The following ME1 variants were observed in gnomAD, a reference collection of about 807,000 sequenced individuals.
ME1 encodes the protein NADP-dependent malic enzyme.
ME1 carries 74 observed loss-of-function variants against 66.4 expected under a neutral mutation model. That is an observed-to-expected ratio of 1.11 (90% confidence interval 0.92 to 1.35). ME1 has a LOEUF of 1.35. Ranked by LOEUF, ME1 falls within the 40% of genes most tolerant of loss-of-function variation. The probability of loss-of-function intolerance (pLI) is 0.00; values close to 1 mark genes in which losing one functional copy is unlikely to be tolerated. For synonymous variants in ME1, 251 were observed against 235.6 expected (o/e 1.07, Z -0.60); for missense variants, 750 against 694.1 (o/e 1.08, Z -0.90).
At chr6:83,419,690 AC>A (rs1770230262) in intron 1 of ME1, among the ~76,000 whole-genome samples, 1 of 152,190 alleles carries the variant, frequency 6.6e-6, no homozygotes. Context: ...AATATTAAGA[AC>A]CATTCACCTC....
At chr6:83,263,018 C>T (rs1170668052) in intron 6 of ME1, among the ~76,000 whole-genome samples, 2 of 152,098 alleles carry the variant, frequency 1.3e-5, no homozygotes, top group African/African-American at 2.4e-5. Flanking sequence ...TCTATTGGGA[C>T]CATTTTTTCC....
At chr6:83,253,607 T>C (rs768873956) in intron 7 of ME1, 22 bp downstream of exon 7, 5 of 1,156,500 alleles carry the variant, frequency 4.3e-6, no homozygotes, top group Admixed American at 1.7e-5. Flanking sequence ...TATTGATCCA[T>C]ATGCAGTGAA....
intron 1 of ME1, among the ~76,000 whole-genome samples, chr6:83,429,750 A>T (rs577324381): frequency 3.7e-4 from 57 of 152,336 alleles, no homozygotes; most frequent in Non-Finnish European, 7.4e-4. Flanking sequence ...TCATGTCTTT[A>T]AGTCATTAAT....
chr6:83,315,313 G>C lies in ME1; in HGVS notation c.701C>G (p.Ser234Cys), dbSNP rs765315084. 1 of 1,585,448 alleles carries C rather than the reference G, an allele frequency of 6.3e-7. No individual in the cohort carries two copies. Among genetic ancestry groups the C allele is most frequent in the Non-Finnish European group, 8.6e-7 (1 of 1,156,644 alleles). The change falls in exon 6 of 14, where the codon TCC (serine) becomes TGC (cysteine). Residue 234 changes from serine to cysteine, a missense_variant. Coordinates refer to ENST00000369705, the MANE Select transcript of ME1 (RefSeq NM_002395.6). ...FLDEFMEAVSSKYGMNCLIQF... is the reference protein window; with the variant it reads ...FLDEFMEAVSCKYGMNCLIQF... Reference sequence around the variant, plus strand: ...TAGGTTAAATAAAGATACATACTTGGAAGAAACTGCCTCCATGAATTCGTC... The same window carrying C: ...TAGGTTAAATAAAGATACATACTTGCAAGAAACTGCCTCCATGAATTCGTC...
At chr6:83,424,746 G>A (rs950805609) in intron 1 of ME1, among the ~76,000 whole-genome samples, 5 of 152,114 alleles carry the variant, frequency 3.3e-5, no homozygotes, top group Admixed American at 6.6e-5. Context: ...ACAACAAAGC[G>A]TCACACACTG....
At chr6:83,232,387 A>G (rs2128524585) in intron 9 of ME1, among the ~76,000 whole-genome samples, 1 of 152,336 alleles carries the variant, frequency 6.6e-6, no homozygotes, top group African/African-American at 2.4e-5. Context: ...TTAAACTAAG[A>G]TAAATTATGT....
At chr6:83,377,635 T>C (rs973964159) in intron 3 of ME1, among the ~76,000 whole-genome samples, 19 of 151,876 alleles carry the variant, frequency 1.3e-4, no homozygotes, top group Non-Finnish European at 2.1e-4. Context: ...AATATAATAA[T>C]TTAATTTAAA....
intron 6 of ME1, among the ~76,000 whole-genome samples, chr6:83,277,872 A>G (rs1767214399): frequency 7.4e-6 from 1 of 135,754 alleles, no homozygotes; most frequent in South Asian, 2.3e-4. Flanking sequence ...ATTGCACTCC[A>G]GCTTGGGCGA....
intron 6 of ME1, among the ~76,000 whole-genome samples, chr6:83,304,470 G>A (rs917976718): frequency 2.6e-5 from 4 of 152,028 alleles, no homozygotes; most frequent in Admixed American, 6.6e-5. Flanking sequence ...TCTAAATTTC[G>A]ACACATCTCA....
chr6:83,422,585 T>C (rs1056698231), intron 1 of ME1, among the ~76,000 whole-genome samples: 7 of 152,158 alleles, frequency 4.6e-5, no homozygotes, highest in Admixed American at 1.3e-4. Flanking sequence ...TAACCATGCC[T>C]AAGAACATAA....
chr6:83,244,522 A>T (rs998932333), intron 7 of ME1, among the ~76,000 whole-genome samples: 4 of 152,098 alleles, frequency 2.6e-5, no homozygotes, highest in African/African-American at 9.7e-5. Flanking sequence ...ATGGTGTTTA[A>T]AGATTTTAAA....
chr6:83,265,686 C>T (rs937154681), intron 6 of ME1, among the ~76,000 whole-genome samples: 12 of 152,098 alleles, frequency 7.9e-5, no homozygotes, highest in African/African-American at 2.7e-4. Flanking sequence ...TGTCTGGAAC[C>T]AAAGCTGCAA....
intron 5 of ME1, among the ~76,000 whole-genome samples, chr6:83,329,534 CCT>C (rs1402993385): frequency 5.9e-5 from 9 of 152,026 alleles, no homozygotes; most frequent in African/African-American, 2.2e-4. Context: ...TCATATCATG[CCT>C]ATATCATGAA....
chr6:83,318,507 C>T, intron 5 of ME1, among the ~76,000 whole-genome samples: 1 of 115,372 alleles, frequency 8.7e-6, no homozygotes, highest in Non-Finnish European at 1.8e-5. Flanking sequence ...TGAACAGACA[C>T]TTCTCAAAAG....
intron 6 of ME1, among the ~76,000 whole-genome samples, chr6:83,297,336 C>T (rs887511196): frequency 2.6e-5 from 4 of 152,138 alleles, no homozygotes; most frequent in African/African-American, 9.7e-5. Context: ...AAAAACATTC[C>T]ATGCCCATGA....
chr6:83,352,083 C>G lies in ME1; in HGVS notation c.419G>C (p.Trp140Ser). ...ACTTACCTTGATGACATCTTCTGGC[C>G]ATGCATTGAGAACTGAAGCAATATG... ...RGHIASVLNAWPEDVIKAIVV... is the reference protein window; with the variant it reads ...RGHIASVLNASPEDVIKAIVV... Residue 140 changes from tryptophan to serine, a missense_variant, in exon 4 of 14, where the codon TGG becomes TCG. Transcript: ENST00000369705. 1 of 1,590,794 alleles carries G rather than the reference C, an allele frequency of 6.3e-7. No homozygotes were observed. The highest frequency in any genetic ancestry group is 8.6e-7 in the Non-Finnish European group (1 of 1,168,304).
At chr6:83,327,639 G>A (rs942586202) in intron 5 of ME1, among the ~76,000 whole-genome samples, 3 of 152,130 alleles carry the variant, frequency 2.0e-5, no homozygotes, top group African/African-American at 4.8e-5. Flanking sequence ...AATGGTGCCC[G>A]AAACTTCATT....
chr6:83,427,544 C>T (rs999079346), intron 1 of ME1, among the ~76,000 whole-genome samples: 1 of 152,102 alleles, frequency 6.6e-6, no homozygotes, highest in Non-Finnish European at 1.5e-5. Flanking sequence ...CACAAAATTA[C>T]TTTAAAGAGG....
chr6:83,217,151 C>T (rs916462346), intron 12 of ME1, among the ~76,000 whole-genome samples: 3 of 152,158 alleles, frequency 2.0e-5, no homozygotes, highest in Non-Finnish European at 2.9e-5. Flanking sequence ...TGTCCCCAAA[C>T]CATTCCCTAG....
Sources: gnomAD v4.1 joint callset for allele counts (sites outside exome capture counted in the v4.1 genomes callset) on GRCh38, gnomAD v4.1.1 for gene constraint, MANE v1.5 for transcripts, NCBI Gene and HGNC (gene_info 2026-07-23, HGNC 2026-07-21) for gene names.